The following NRXN3 variants were observed in gnomAD, a reference collection of about 807,000 sequenced individuals.
NRXN3 encodes neurexin III.
Under a neutral mutation model 137.6 loss-of-function variants are expected in NRXN3, and 32 were observed. The observed-to-expected ratio is 0.23, with a 90% confidence interval of 0.18 to 0.31. The LOEUF is 0.31. Among genes scored for constraint, NRXN3 ranks in the 10% least tolerant of loss-of-function variants. NRXN3 has a pLI of 1.00. For missense variants in NRXN3, 1,574 were observed against 2,062.5 expected (o/e 0.76, Z 4.59); for synonymous variants, 798 against 784.5 (o/e 1.02, Z -0.29).
chr14:78,832,977 A>G (rs964374191), intron 10 of NRXN3, among the ~76,000 whole-genome samples: 2 of 152,164 alleles, frequency 1.3e-5, no homozygotes, highest in African/African-American at 4.8e-5. Context: ...TTCACGCATA[A>G]AACATCTTTC....
intron 5 of NRXN3, among the ~76,000 whole-genome samples, chr14:78,645,890 T>G (rs530502801): frequency 6.6e-6 from 1 of 152,000 alleles, no homozygotes; most frequent in Non-Finnish European, 1.5e-5. Flanking sequence ...CCAGAAAAAG[T>G]CTTCCTTTTC....
At chr14:79,610,397 G>T (rs572737941) in intron 16 of NRXN3, among the ~76,000 whole-genome samples, 15 of 152,204 alleles carry the variant, frequency 9.9e-5, no homozygotes, top group Non-Finnish European at 2.2e-4. Context: ...GTATTTAACA[G>T]TTTTCATGTT....
intron 17 of NRXN3, among the ~76,000 whole-genome samples, chr14:79,674,953 T>G (rs1421891384): frequency 6.6e-6 from 1 of 152,002 alleles, no homozygotes; most frequent in Admixed American, 6.6e-5. Flanking sequence ...GCATAAAATA[T>G]TTTAGGGGAA....
At chr14:79,417,452 A>G (rs1259469862) in intron 15 of NRXN3, among the ~76,000 whole-genome samples, 1 of 152,112 alleles carries the variant, frequency 6.6e-6, no homozygotes. Context: ...ATTTGGCACA[A>G]TTATTGCTTA....
At chr14:79,149,445 T>C (rs560830958) in intron 15 of NRXN3, among the ~76,000 whole-genome samples, 18 of 152,180 alleles carry the variant, frequency 1.2e-4, no homozygotes, top group Admixed American at 9.8e-4. Flanking sequence ...ATTGAAAGCA[T>C]AGGTGATTAT....
At chr14:78,182,414 A>T (rs958128586) in intron 1 of NRXN3, among the ~76,000 whole-genome samples, 4 of 152,226 alleles carry the variant, frequency 2.6e-5, no homozygotes, top group East Asian at 3.9e-4. Flanking sequence ...AAGTACTGAT[A>T]ATCCTGGCCA....
chr14:79,672,120 G>A (rs897264761), intron 17 of NRXN3, among the ~76,000 whole-genome samples: 25 of 152,152 alleles, frequency 1.6e-4, no homozygotes, highest in Admixed American at 3.9e-4. Context: ...CTACAGGGCT[G>A]TTGAGCAAAA....
chr14:79,633,548 A>G (rs1451727835), intron 16 of NRXN3, among the ~76,000 whole-genome samples: 1 of 151,764 alleles, frequency 6.6e-6, no homozygotes, highest in Non-Finnish European at 1.5e-5. Context: ...TGTCACTCAG[A>G]ATAAGTGCTC....
chr14:78,718,639 C>A lies in NRXN3; in HGVS notation c.2044+3500C>A, dbSNP rs562640083. ...TGCTTCTACCCTCATAAGAGTGCTTCTTCTGCCTGTGAAGATGAGCTACTC... is the reference window on the plus strand; with the variant it reads ...TGCTTCTACCCTCATAAGAGTGCTTATTCTGCCTGTGAAGATGAGCTACTC... On this transcript the variant is annotated intron_variant, in intron 8 of 20. Transcript: ENST00000335750. 2.0e-5 allele frequency among the ~76,000 whole-genome samples: 3 copies of A among 152,326 alleles called. No individual in the cohort carries two copies. The South Asian group carries it at 6.2e-4, about 32-fold the overall frequency.
chr14:79,348,316 G>T (rs1371192789), intron 15 of NRXN3, among the ~76,000 whole-genome samples: 1 of 151,690 alleles, frequency 6.6e-6, no homozygotes, highest in African/African-American at 2.4e-5. Flanking sequence ...AGGTAACAGA[G>T]AGCTGAAATT....
At chr14:79,391,123 G>A (rs1385694183) in intron 15 of NRXN3, among the ~76,000 whole-genome samples, 3 of 151,766 alleles carry the variant, frequency 2.0e-5, no homozygotes, top group Non-Finnish European at 4.4e-5. Flanking sequence ...CAGCACTAAT[G>A]GACTTAGTCA....
intron 15 of NRXN3, among the ~76,000 whole-genome samples, chr14:79,149,956 C>T (rs545614457): frequency 7.2e-5 from 11 of 152,136 alleles, no homozygotes; most frequent in South Asian, 4.1e-4. Flanking sequence ...CCATGGCACA[C>T]GTTCACCTGT....
intron 4 of NRXN3, among the ~76,000 whole-genome samples, chr14:78,602,853 C>G (rs2097213490): frequency 6.6e-6 from 1 of 152,112 alleles, no homozygotes; most frequent in Admixed American, 6.5e-5. Flanking sequence ...CAGAGAGATG[C>G]CTTGAGAATG....
chr14:78,248,295 GCCCCCCGCCCC>G (rs1443300783), intron 2 of NRXN3, among the ~76,000 whole-genome samples: 5 of 14,378 alleles, frequency 3.5e-4, no homozygotes, highest in Non-Finnish European at 6.7e-4. Context: ...ACTAGCCACC[GCCCCCCGCCCC>G]CCCCCCCCCC....
At chr14:79,348,350 GTAGT>G (rs947522474) in intron 15 of NRXN3, among the ~76,000 whole-genome samples, 2 of 150,674 alleles carry the variant, frequency 1.3e-5, no homozygotes, top group Non-Finnish European at 3.0e-5. Context: ...AAATTTTTTG[GTAGT>G]TAGTTTTATA....
chr14:79,828,633 A>C (rs2099312884), intron 20 of NRXN3, among the ~76,000 whole-genome samples: 1 of 122,156 alleles, frequency 8.2e-6, no homozygotes, highest in Non-Finnish European at 1.6e-5. Context: ...AAAAAAAAAA[A>C]AAAAAAAGTA....
In NRXN3 at chr14:79,467,419, G is replaced by A. The variant is rs760672866; in HGVS notation, c.3444+17G>A. 1 of 1,565,112 alleles carries A rather than the reference G, an allele frequency of 6.4e-7. No individual in the cohort carries two copies. The highest frequency in any genetic ancestry group is 8.7e-7 in the Non-Finnish European group (1 of 1,145,856). ...CTTCACATAGTGAGTACAGGGCCTTGGCCTGGATTTTCTTATGTTACTGGT... is the reference window on the plus strand; with the variant it reads ...CTTCACATAGTGAGTACAGGGCCTTAGCCTGGATTTTCTTATGTTACTGGT... On this transcript the variant is annotated intron_variant, in intron 16 of 20. Coordinates refer to ENST00000335750, the MANE Select transcript of NRXN3 (RefSeq NM_001330195.2).
intron 2 of NRXN3, among the ~76,000 whole-genome samples, chr14:78,244,588 C>A (rs2067415547): frequency 6.6e-6 from 1 of 152,080 alleles, no homozygotes; most frequent in Non-Finnish European, 1.5e-5. Flanking sequence ...AAAAATGAAC[C>A]CAGTTCTTCT....
intron 19 of NRXN3, among the ~76,000 whole-genome samples, chr14:79,712,696 C>T (rs2098808848): frequency 6.6e-6 from 1 of 151,574 alleles, no homozygotes; most frequent in African/African-American, 2.4e-5. Flanking sequence ...CAAAAGACCT[C>T]ACAAGATAAA....
Sources: allele counts gnomAD v4.1 joint callset (sites outside exome capture counted in the v4.1 genomes callset), GRCh38; gene constraint gnomAD v4.1.1; transcripts MANE v1.5; gene names NCBI Gene and HGNC (gene_info 2026-07-23, HGNC 2026-07-21).